The following MYH13 variants were observed in gnomAD, a reference collection of about 807,000 sequenced individuals.
The protein encoded by MYH13 is myosin heavy chain 13.
Under a neutral mutation model 232.1 loss-of-function variants are expected in MYH13, and 177 were observed. The ratio of observed to expected loss-of-function variants is 0.76; its 90% CI spans 0.67 to 0.86. The LOEUF (loss-of-function observed/expected upper bound fraction) is 0.86, where lower values mean the gene tolerates loss of function less well. MYH13 is among the 40% of genes least tolerant of loss of function. The probability of loss-of-function intolerance (pLI) is 0.00; values close to 1 mark genes in which losing one functional copy is unlikely to be tolerated. For missense variants in MYH13, 2,246 were observed against 2,405.9 expected, an observed-to-expected ratio of 0.93 and a Z score of 1.39; for synonymous variants, 884 against 923.5, an observed-to-expected ratio of 0.96 and a Z score of 0.78.
At chr17:10,357,561 C>T (rs769676030) in intron 8 of MYH13, among the ~76,000 whole-genome samples, 174 bp downstream of exon 8, 2 of 152,136 alleles carry the variant, frequency 1.3e-5, no homozygotes, top group Non-Finnish European at 2.9e-5. Flanking sequence ...AGGACCAAGC[C>T]AACACCTTCC....
chr17:10,339,244 T>C (rs2071602530), intron 18 of MYH13, among the ~76,000 whole-genome samples: 1 of 152,352 alleles, frequency 6.6e-6, no homozygotes, highest in East Asian at 1.9e-4. Flanking sequence ...TTTGTTTTCC[T>C]TTTTGTGACA....
chr17:10,340,992 A>G (rs1375160980), intron 16 of MYH13: 1 of 150,802 alleles, frequency 6.6e-6, no homozygotes, highest in Non-Finnish European at 1.5e-5. Context: ...CAAGATTGAG[A>G]TGTCCCTCTT....
Position 10,319,111 on chromosome 17 carries a change from C to T in MYH13, c.3417G>A (p.Gln1139=). 6.2e-7 allele frequency: 1 copy of T among 1,614,204 alleles called. No homozygotes were observed. The highest frequency in any genetic ancestry group is 8.5e-7 in the Non-Finnish European group (1 of 1,180,038). The change falls in exon 27 of 41, where the codon CAG becomes CAA. Residue 1139 remains glutamine (Q), a synonymous_variant. Coordinates refer to ENST00000252172, the MANE Select transcript of MYH13 (RefSeq NM_003802.3). The part of the protein sequence containing the change: ...EHTLRAKIEK[Q]RSDLARELEE... ...CCAGTTCCCTGGCCAGATCTGAGCG[C>T]TGCTTCTCAATCTTGGCTCTGAGCG...
At position 10,313,307 on chromosome 17, in the gene MYH13, A is replaced by G; in HGVS notation, c.4032T>C (p.Cys1344=). The change falls in exon 30 of 41, where the codon TGT becomes TGC. Residue 1344 remains cysteine (C), a synonymous_variant. Transcript: ENST00000252172. ...AHALQSSRHD[C]DLLREQYEEE... is the part of the protein sequence containing the mutation. Reference sequence around the variant, plus strand: ...CCTCATACTGTTCCCGCAGCAGGTCACAGTCGTGGCGGGAGGACTGCAGGG... The same window carrying G: ...CCTCATACTGTTCCCGCAGCAGGTCGCAGTCGTGGCGGGAGGACTGCAGGG... The G allele has an allele frequency of 1.2e-6, 2 of 1,614,254 alleles. No homozygotes were observed. The highest frequency in any genetic ancestry group is 2.2e-5 in the East Asian group (1 of 44,884).
rs2071798458 is a variant in MYH13, at chr17:10,362,131, C to T, written c.492G>A (p.Gln164=). 1 of 1,613,812 alleles carries T rather than the reference C, an allele frequency of 6.2e-7. No homozygotes were observed. The highest frequency in any genetic ancestry group is 1.3e-5 in the African/African-American group (1 of 74,916). Residue 164 remains glutamine (Q), a synonymous_variant, in exon 5 of 41, where the codon CAG becomes CAA. Coordinates refer to ENST00000252172, the MANE Select transcript of MYH13 (RefSeq NM_003802.3). ...GAAATTACTCACCAGTCAGCATGAA[C>T]TGATAGGCATTGTCAGAGATGGAGA... is the stretch of plus-strand genomic sequence containing the variant. The part of the protein sequence containing the change: ...HIFSISDNAY[Q]FMLTDRDNQS...
intron 2 of MYH13, among the ~76,000 whole-genome samples, chr17:10,364,933 T>A (rs2071822380): frequency 6.6e-6 from 1 of 152,084 alleles, no homozygotes; most frequent in Non-Finnish European, 1.5e-5. Flanking sequence ...TGGAGTGCAA[T>A]GGCTCGATCT....
chr17:10,334,556 G>A (rs1296854643), intron 18 of MYH13, among the ~76,000 whole-genome samples: 3 of 152,064 alleles, frequency 2.0e-5, no homozygotes, highest in Non-Finnish European at 4.4e-5. Flanking sequence ...GAGAAAACAT[G>A]GTTGAGAGCA....
In MYH13 at chr17:10,312,689, G is replaced by T; in HGVS notation, c.4250C>A (p.Ser1417Ter). Residue 1417 changes from serine (S) to a stop codon, truncating the protein, a stop_gained, in exon 31 of 41, where the codon TCG (serine) becomes TAG (stop). Transcript: ENST00000252172. LOFTEE classifies it high-confidence loss of function. ...CAGCCTCTGCTTGGTTTTCTCCAAC[G>T]ATGCGCACTTGGAGTTCGCCGTCTC... ...NTETANSKCA[S>*]LEKTKQRLQG... is the part of the protein sequence containing the mutation. 2 of 1,613,520 alleles carry T rather than the reference G, an allele frequency of 1.2e-6. No individual in the cohort carries two copies.
chr17:10,342,142 C>T (rs1276551710), intron 16 of MYH13, among the ~76,000 whole-genome samples: 1 of 152,154 alleles, frequency 6.6e-6, no homozygotes, highest in African/African-American at 2.4e-5. Flanking sequence ...GCCACCCAAT[C>T]TCATGTGATC....
At chr17:10,342,878 C>T (rs1243261936) in intron 16 of MYH13, among the ~76,000 whole-genome samples, 1 of 151,908 alleles carries the variant, frequency 6.6e-6, no homozygotes, top group Non-Finnish European at 1.5e-5. Flanking sequence ...ATCACAAGGT[C>T]AGGAGATCGA....
chr17:10,372,191 T>C (rs1459558772), intron 1 of MYH13, among the ~76,000 whole-genome samples: 1 of 152,224 alleles, frequency 6.6e-6, no homozygotes, highest in Non-Finnish European at 1.5e-5. Context: ...TACTATATTC[T>C]GAATCCTCAA....
In MYH13 at chr17:10,312,743, TG is replaced by T; in HGVS notation, c.4195del (p.Gln1399ArgfsTer34). On this transcript the variant is annotated frameshift_variant, in exon 31 of 41. Coordinates refer to ENST00000252172, the MANE Select transcript of MYH13 (RefSeq NM_003802.3). LOFTEE classifies it high-confidence loss of function. ...GTTCTCCTCTGCTTCCTGGAGCCTC[TG>T]GGCCAGTTTTTTCCTACGAAAACCA... ...ELEEAKKKLA[Q>X]RLQEAEENTE... 1 of 1,606,956 alleles carries T rather than the reference TG, an allele frequency of 6.2e-7. No individual in the cohort carries two copies. Among genetic ancestry groups the T allele is most frequent in the Non-Finnish European group, 8.5e-7 (1 of 1,177,970 alleles).
intron 35 of MYH13, among the ~76,000 whole-genome samples, chr17:10,308,727 T>A (rs868844047): frequency 2.6e-5 from 4 of 152,088 alleles, no homozygotes; most frequent in African/African-American, 4.8e-5. Flanking sequence ...TTGTTGTTTG[T>A]TTGTTTATTT....
In MYH13 at chr17:10,301,628, C is replaced by T. The variant is rs374501016; in HGVS notation, c.5743G>A (p.Asp1915Asn). ...HELEEAAERADIAESQVNKLR... is the reference protein window; with the variant it reads ...HELEEAAERANIAESQVNKLR... ...TTGTTGACCTGGGACTCAGCGATGT[C>T]CGCCCTCTCCGCGGCCTCCTCTAGC... Residue 1915 changes from aspartate to asparagine, a missense_variant, in exon 40 of 41, where the codon GAC becomes AAC. By Grantham distance (23) the Asp-to-Asn change is conservative. Transcript: ENST00000252172. 1.2e-6 allele frequency: 2 copies of T among 1,614,088 alleles called. No individual in the cohort carries two copies. Among genetic ancestry groups the T allele is most frequent in the African/African-American group, 1.3e-5 (1 of 74,930 alleles).
rs552123930 is a variant in MYH13 at position 10,307,136 on chromosome 17, T to G, written c.5170-72A>C. On this transcript the variant is annotated intron_variant, in intron 35 of 40. Transcript: ENST00000252172. ...TTAAAAAAATTGGGAGAGGGTTGGC[T>G]GGGGAGGGAAGTAAATTGTGATCCT... 15 of 1,570,112 alleles carry G rather than the reference T, an allele frequency of 9.6e-6. No individual in the cohort carries two copies. In the African/African-American group the frequency reaches 2.1e-4, roughly 21 times the overall value.
At chr17:10,309,965 A>G (rs992402068) in intron 33 of MYH13, 135 bp from the exon 34 acceptor site, 3 of 665,660 alleles carry the variant, frequency 4.5e-6, no homozygotes, top group Non-Finnish European at 6.8e-6. Context: ...TTTTTTTGGT[A>G]GAGACAGGGT....
intron 39 of MYH13, among the ~76,000 whole-genome samples, chr17:10,302,331 C>A (rs1039111286): frequency 2.0e-5 from 3 of 152,152 alleles, no homozygotes; most frequent in African/African-American, 7.2e-5. Context: ...AGGGCAGACT[C>A]CCCTAAATTT....
intron 2 of MYH13, among the ~76,000 whole-genome samples, chr17:10,366,825 T>A (rs1366859719): frequency 6.6e-6 from 1 of 152,228 alleles, no homozygotes; most frequent in African/African-American, 2.4e-5. Context: ...GAAATATCCT[T>A]TCCTGTGATT....
Position 10,311,909 on chromosome 17 carries a change from A to C in MYH13, c.4531+2T>G, listed in dbSNP as rs763271431. 4.3e-6 allele frequency: 7 copies of C among 1,613,958 alleles called. No homozygotes were observed. The highest frequency in any genetic ancestry group is 5.9e-6 in the Non-Finnish European group (7 of 1,179,890). The stretch of plus-strand genomic sequence containing the variant: ...CACACACCAGTGGTGGAGACAGCTC[A>C]CCTTGCAGATTTTTGTTCTCTCGCC... On this transcript the variant is annotated splice_donor_variant, in intron 32 of 40. Coordinates refer to ENST00000252172, the MANE Select transcript of MYH13 (RefSeq NM_003802.3). LOFTEE classifies it high-confidence loss of function.
Sources: gnomAD v4.1 joint callset for allele counts (sites outside exome capture counted in the v4.1 genomes callset) on GRCh38, gnomAD v4.1.1 for gene constraint, MANE v1.5 for transcripts, NCBI Gene and HGNC (gene_info 2026-07-23, HGNC 2026-07-21) for gene names.